Variants in CFAP92 observed in about 807,000 individuals in gnomAD.
CFAP92 encodes cilia and flagella associated protein 92 (putative).
A neutral mutation model predicts 106.3 loss-of-function variants in CFAP92; 86 were observed. The ratio of observed to expected loss-of-function variants is 0.81; its 90% confidence interval spans 0.68 to 0.97. The LOEUF is 0.97. Among genes scored for constraint, CFAP92 ranks in the 50% least tolerant of loss-of-function variants. The pLI, the probability that CFAP92 is intolerant of heterozygous loss-of-function variation, is 0.00. For synonymous variants in CFAP92, 477 were observed against 506.4 expected (o/e 0.94, Z 0.78); for missense variants, 1,204 against 1,283.8 (o/e 0.94, Z 0.95).
chr3:128,975,158 C>A (rs907307786), intron 7 of CFAP92, among the ~76,000 whole-genome samples: 27 of 152,202 alleles, frequency 1.8e-4, no homozygotes, highest in Middle Eastern at 6.8e-3. Flanking sequence ...AGAGTAAATA[C>A]TTTATCTTTC....
intron 12 of CFAP92, among the ~76,000 whole-genome samples, chr3:128,926,876 A>C (rs896967626): frequency 6.6e-6 from 1 of 151,978 alleles, no homozygotes; most frequent in African/African-American, 2.4e-5. Context: ...CGGGCAGATC[A>C]CAAGGTCAGG....
At chr3:128,962,197 G>A (rs1433348623) in intron 9 of CFAP92, among the ~76,000 whole-genome samples, 1 of 152,146 alleles carries the variant, frequency 6.6e-6, no homozygotes, top group Non-Finnish European at 1.5e-5. Flanking sequence ...CGCCTCGGAA[G>A]CCCCATAGAC....
the CFAP92 span, among the ~76,000 whole-genome samples, chr3:129,019,991 A>ACTCCTGACCTCAGGTGATCCACCTAC: frequency 6.6e-6 from 1 of 151,130 alleles, no homozygotes; most frequent in African/African-American, 2.4e-5. Flanking sequence ...CTGGTCTCGA[A>ACTCCTGACCTCAGGTGATCCACCTAC]CTCCTGACCT....
In CFAP92 at chr3:128,910,957, T is replaced by C. The variant is rs1221385456; in HGVS notation, c.3281-624A>G. Reference sequence around the variant, plus strand: ...CCTTGAGCGAGGGCCTGGGTAGGCCTGGGCTTAGCTGCAGCAGTGCCCACC... The same window carrying C: ...CCTTGAGCGAGGGCCTGGGTAGGCCCGGGCTTAGCTGCAGCAGTGCCCACC... On this transcript the variant is annotated intron_variant, in intron 15 of 15. Coordinates refer to ENST00000645291, the MANE Select transcript of CFAP92 (RefSeq NM_001394090.1). The C allele has an allele frequency of 3.1e-6, 3 of 982,014 alleles. No individual in the cohort carries two copies. In the African/African-American group the frequency reaches 4.8e-5, roughly 16 times the overall value. The allele number at this position is 982,014 out of a possible 1,614,324, so 60.8% of individuals were successfully genotyped here.
At chr3:128,974,730 A>C (rs1943030322) in intron 7 of CFAP92, among the ~76,000 whole-genome samples, 1 of 152,190 alleles carries the variant, frequency 6.6e-6, no homozygotes. Flanking sequence ...CTGAGGCAGC[A>C]GAATTGTTTG....
intron 8 of CFAP92, 67 bp from the exon 9 acceptor site, chr3:128,965,762 A>G (rs1284659515): frequency 7.5e-6 from 3 of 397,792 alleles, no homozygotes; most frequent in Non-Finnish European, 4.4e-6. Context: ...CAGAGGGATC[A>G]AGCAACCTGA....
chr3:128,923,753 G>A (rs114266320), intron 12 of CFAP92, among the ~76,000 whole-genome samples: 1,598 of 152,280 alleles, frequency 0.01, 18 homozygotes, highest in Non-Finnish European at 0.017. Context: ...AGTTGTGTTC[G>A]GCCACCTTTT....
chr3:128,953,795 C>T (rs1386012116), intron 9 of CFAP92, among the ~76,000 whole-genome samples: 1 of 122,488 alleles, frequency 8.2e-6, no homozygotes, highest in Non-Finnish European at 1.6e-5. Context: ...TTGGTGGAGA[C>T]GGGGTTTCGC....
upstream of CFAP92, among the ~76,000 whole-genome samples, chr3:129,003,612 C>A (rs1024914590): frequency 6.6e-6 from 1 of 152,026 alleles, no homozygotes; most frequent in Admixed American, 6.5e-5. Context: ...GGGGATGTGG[C>A]GAGGGTTAAA....
At chr3:129,009,057 G>A in the CFAP92 span, among the ~76,000 whole-genome samples, 1 of 152,114 alleles carries the variant, frequency 6.6e-6, no homozygotes, top group Non-Finnish European at 1.5e-5. Context: ...ACAGCTTCAT[G>A]TGGAAAATTT....
At chr3:128,943,133 T>C (rs933778273) in intron 10 of CFAP92, among the ~76,000 whole-genome samples, 1 of 152,096 alleles carries the variant, frequency 6.6e-6, no homozygotes, top group Non-Finnish European at 1.5e-5. Context: ...TTGGTCAGGC[T>C]GGTCTTGATC....
chr3:128,937,472 T>C (rs1326136263), intron 10 of CFAP92, among the ~76,000 whole-genome samples: 1 of 150,768 alleles, frequency 6.6e-6, no homozygotes, highest in African/African-American at 2.4e-5. Flanking sequence ...CAGTGGCGGG[T>C]GCCTGTAGTT....
rs1398364979 is a variant in CFAP92 at position 128,915,553 on chromosome 3, T to C, written c.2927A>G (p.Lys976Arg). 2.6e-6 allele frequency: 4 copies of C among 1,512,172 alleles called. No individual in the cohort carries two copies. Among genetic ancestry groups the C allele is most frequent in the Non-Finnish European group, 3.5e-6 (4 of 1,135,102 alleles). The allele number at this position is 1,512,172 out of a possible 1,614,324, so 93.7% of individuals were successfully genotyped here. A position where few individuals can be genotyped will look rare whatever the true frequency, so the allele number is the denominator to read the frequency against. Residue 976 changes from lysine (K) to arginine (R), a missense_variant, in exon 14 of 16, where the codon AAG (lysine) becomes AGG (arginine). Coordinates refer to ENST00000645291, the MANE Select transcript of CFAP92 (RefSeq NM_001394090.1). ...GTAATCCTGTGAGTACGTGAATCTC[T>C]TTCTTGGCTCCTAGAAATGGGGGCA... The part of the protein sequence containing the change: ...LYQEIAKEPR[K>R]RFTYSQDYLS...
intron 1 of CFAP92, chr3:129,001,932 G>C: frequency 6.5e-7 from 1 of 1,541,340 alleles, no homozygotes; most frequent in Non-Finnish European, 8.8e-7. Context: ...GGCAGCAGGT[G>C]ACGGGAACTC....
At chr3:128,964,378 C>T (rs185961507) in intron 9 of CFAP92, among the ~76,000 whole-genome samples, 3 of 152,204 alleles carry the variant, frequency 2.0e-5, no homozygotes, top group Admixed American at 2.0e-4. Context: ...GAGACTGTGC[C>T]CCCAAAAAAC....
rs182972864 is a variant in CFAP92, at chr3:128,914,862, A to G, written c.3280+257T>C. 6.4e-6 allele frequency: 3 copies of G among 472,358 alleles called. No individual in the cohort carries two copies. In the Admixed American group the frequency reaches 1.0e-4, roughly 16 times the overall value. The allele number at this position is 472,358 out of a possible 1,614,324, so 29.3% of individuals were successfully genotyped here. ...TTCCAACTTCCCCACTTTATAGCCA[A>G]GAAACCAGACCCAGGGCATGAAGGG... is the stretch of plus-strand genomic sequence containing the variant. On this transcript the variant is annotated intron_variant, in intron 15 of 15. Coordinates refer to ENST00000645291, the MANE Select transcript of CFAP92 (RefSeq NM_001394090.1).
chr3:129,004,456 C>A (rs1243541827), upstream of CFAP92, among the ~76,000 whole-genome samples: 1 of 146,980 alleles, frequency 6.8e-6, no homozygotes, highest in African/African-American at 2.5e-5. Flanking sequence ...CCCACCCGTC[C>A]ATCCATCTAT....
chr3:128,986,074 C>T (rs532362356), intron 4 of CFAP92, among the ~76,000 whole-genome samples: 30 of 152,212 alleles, frequency 2.0e-4, no homozygotes, highest in African/African-American at 4.6e-4. Context: ...TGGGAAGTTC[C>T]AAGCCTCCAA....
chr3:128,929,669 A>G (rs981129749), intron 12 of CFAP92, among the ~76,000 whole-genome samples: 2 of 152,254 alleles, frequency 1.3e-5, no homozygotes, highest in African/African-American at 4.8e-5. Flanking sequence ...AGCCAGACAC[A>G]AAAGTTTACA....
Sources: allele counts gnomAD v4.1 joint callset (sites outside exome capture counted in the v4.1 genomes callset), GRCh38; gene constraint gnomAD v4.1.1; transcripts MANE v1.5; gene names NCBI Gene and HGNC (gene_info 2026-07-23, HGNC 2026-07-21).